MAP4K5: variants seen among roughly 807,000 people sequenced by gnomAD.
MAP4K5 encodes the protein mitogen-activated protein kinase kinase kinase kinase 5, also known as MAPK/ERK kinase kinase kinase 5.
In MAP4K5, 82 loss-of-function variants were observed where a neutral mutation model predicts 135.6. The observed-to-expected ratio is 0.60, with a 90% confidence interval of 0.51 to 0.73. The LOEUF is 0.73. MAP4K5 is among the 30% of genes least tolerant of loss of function. MAP4K5 has a pLI of 0.00. For missense variants in MAP4K5, 907 were observed against 1,010.9 expected (o/e 0.90, Z 1.39); for synonymous variants, 347 against 335.0 (o/e 1.04, Z -0.39).
chr14:50,446,229 A>G, intron 16 of MAP4K5, 108 bp from the exon 17 acceptor site: 1 of 646,408 alleles, frequency 1.5e-6, no homozygotes, highest in South Asian at 2.3e-5. Context: ...AGGATGTAAA[A>G]GACAGATCAC....
At chr14:50,474,107 A>G (rs746781989) in intron 9 of MAP4K5, among the ~76,000 whole-genome samples, 3 of 152,126 alleles carry the variant, frequency 2.0e-5, no homozygotes, top group Admixed American at 2.0e-4. Flanking sequence ...ACTGCACATT[A>G]AAGAATCCAA....
In MAP4K5 at chr14:50,482,408, G is replaced by T; in HGVS notation, c.331C>A (p.Pro111Thr). The T allele has an allele frequency of 6.6e-7, 1 of 1,525,390 alleles. No individual in the cohort carries two copies. The highest frequency in any genetic ancestry group is 8.8e-7 in the Non-Finnish European group (1 of 1,135,526). The allele number at this position is 1,525,390 out of a possible 1,614,324, so 94.5% of individuals were successfully genotyped here. A position where few individuals can be genotyped will look rare whatever the true frequency, so the allele number is the denominator to read the frequency against. The change falls in exon 6 of 33, where the codon CCA (proline) becomes ACA (threonine). Residue 111 changes from proline (P) to threonine (T), a missense_variant. Coordinates refer to ENST00000682126, the MANE Select transcript of MAP4K5 (RefSeq NM_006575.6). ...SLQDIYHVTG[P>T]LSELQIAYVC... is the part of the protein sequence containing the mutation. ...TAGGCTATTTGCAATTCTGATAATG[G>T]TCCAGTAACTAGAAAGAAAAAGAGA... is the stretch of plus-strand genomic sequence containing the variant.
At position 50,443,855 on chromosome 14, in the gene MAP4K5, A is replaced by G. The variant is rs536918686; in HGVS notation, c.1437+84T>C. 136 of 1,475,660 alleles carry G rather than the reference A, an allele frequency of 9.2e-5. 1 individual carries two copies. The African/African-American group carries it at 1.8e-3, about 19-fold the overall frequency. The allele number at this position is 1,475,660 out of a possible 1,614,324, so 91.4% of individuals were successfully genotyped here. On this transcript the variant is annotated intron_variant, in intron 19 of 32. Transcript: ENST00000682126. The stretch of plus-strand genomic sequence containing the variant: ...GACATTTAGAACTTCTGTTACTTGA[A>G]TTACTGAATTAAACAGACTATGCCC...
At chr14:50,544,416 TA>T (rs554814239) in intron 1 of MAP4K5, among the ~76,000 whole-genome samples, 2 of 152,246 alleles carry the variant, frequency 1.3e-5, no homozygotes, top group South Asian at 4.1e-4. Flanking sequence ...TTGATTGGTC[TA>T]GCCTCATTTT....
At chr14:50,443,290 C>T (rs1458904801) in intron 20 of MAP4K5, among the ~76,000 whole-genome samples, 1 of 152,096 alleles carries the variant, frequency 6.6e-6, no homozygotes, top group Non-Finnish European at 1.5e-5. Flanking sequence ...CGATTGGTTC[C>T]CATCCCATTC....
chr14:50,555,368 G>C (rs985229705), intron 1 of MAP4K5, among the ~76,000 whole-genome samples: 1 of 152,200 alleles, frequency 6.6e-6, no homozygotes, highest in Non-Finnish European at 1.5e-5. Flanking sequence ...TGCAACCTCT[G>C]CCTCCCGGGT....
At chr14:50,536,883 AG>A (rs2038499738), upstream of MAP4K5, among the ~76,000 whole-genome samples, 1 of 152,230 alleles carries the variant, frequency 6.6e-6, no homozygotes, top group African/African-American at 2.4e-5. Flanking sequence ...CAGTCTTATA[AG>A]GGAAGCACAG....
chr14:50,447,657 T>C (rs544237532), intron 15 of MAP4K5, among the ~76,000 whole-genome samples, 176 bp from the exon 16 acceptor site: 1 of 152,356 alleles, frequency 6.6e-6, no homozygotes, highest in Admixed American at 6.5e-5. Context: ...AATGACTCAT[T>C]ATCAGTCGAC....
intron 14 of MAP4K5, chr14:50,449,792 AACT>A (rs2036440215): frequency 6.6e-6 from 1 of 152,218 alleles, no homozygotes; most frequent in South Asian, 2.1e-4. Context: ...TGAATTCAAG[AACT>A]ACTACTATTC....
At chr14:50,472,576 A>G (rs1015881832) in intron 9 of MAP4K5, 2 of 152,210 alleles carry the variant, frequency 1.3e-5, no homozygotes, top group African/African-American at 2.4e-5. Context: ...GGGGGAAAAT[A>G]TGCATGTAAA....
intron 5 of MAP4K5, 105 bp downstream of exon 5, chr14:50,485,473 C>A (rs1595500214): frequency 2.8e-6 from 2 of 716,684 alleles, no homozygotes; most frequent in South Asian, 1.8e-5. Context: ...CAGAAGAATG[C>A]AAAATAGTAA....
intron 13 of MAP4K5, chr14:50,456,882 G>A: frequency 6.9e-6 from 2 of 291,156 alleles, no homozygotes; most frequent in Admixed American, 9.4e-5. Context: ...AAAATGGCAA[G>A]TGCCTTTCAT....
chr14:50,434,836 A>G lies in MAP4K5; in HGVS notation c.1986+126T>C, dbSNP rs570541352. On this transcript the variant is annotated intron_variant, in intron 27 of 32. Transcript: ENST00000682126. ...AAGAACACAAAAACCTCTAAATCAA[A>G]TAAACAACTACAAATAACTATAAAT... 2.0e-3 allele frequency: 1,319 copies of G among 656,264 alleles called. 3 individuals carry two copies. The highest frequency in any genetic ancestry group is 3.4e-3 in the Admixed American group (108 of 31,820). The allele number at this position is 656,264 out of a possible 1,614,324, so 40.7% of individuals were successfully genotyped here.
intron 1 of MAP4K5, among the ~76,000 whole-genome samples, chr14:50,558,643 A>T (rs916792370): frequency 4.9e-4 from 75 of 152,218 alleles, no homozygotes; most frequent in Admixed American, 4.6e-3. Context: ...AATTATATAA[A>T]TTTTTTCTTT....
At chr14:50,519,659 A>C (rs995394205) in intron 2 of MAP4K5, among the ~76,000 whole-genome samples, 1 of 152,114 alleles carries the variant, frequency 6.6e-6, no homozygotes, top group African/African-American at 2.4e-5. Flanking sequence ...ATCTCAAAAA[A>C]TAAATAAAAT....
intron 2 of MAP4K5, among the ~76,000 whole-genome samples, chr14:50,508,417 G>T (rs2037857817): frequency 6.6e-6 from 1 of 152,210 alleles, no homozygotes; most frequent in Non-Finnish European, 1.5e-5. Flanking sequence ...TCCTTTGTAG[G>T]GACATGGATG....
intron 2 of MAP4K5, among the ~76,000 whole-genome samples, chr14:50,542,075 A>G (rs974209826): frequency 5.8e-5 from 8 of 138,324 alleles, no homozygotes; most frequent in Non-Finnish European, 1.1e-4. Flanking sequence ...GCTGACAGCT[A>G]TTGTCTGTTT....
chr14:50,434,347 T>C lies in MAP4K5; in HGVS notation c.2164+47A>G, dbSNP rs571358126. On this transcript the variant is annotated intron_variant, in intron 28 of 32. Transcript: ENST00000682126. ...TTTATAGGTGGTGTTTTGCTTCTTT[T>C]ATAGGCAAAAATATCAATATTCTAA... is the stretch of plus-strand genomic sequence containing the variant. 1.5e-5 allele frequency: 23 copies of C among 1,484,884 alleles called. No homozygotes were observed. The African/African-American group carries it at 2.9e-4, about 19-fold the overall frequency. 92.0% of individuals were successfully genotyped at this position (1,484,884 alleles called of 1,614,324 possible). A position where few individuals can be genotyped will look rare whatever the true frequency, so the allele number is the denominator to read the frequency against.
chr14:50,473,906 A>C (rs916653505), intron 9 of MAP4K5, among the ~76,000 whole-genome samples: 44 of 151,540 alleles, frequency 2.9e-4, no homozygotes, highest in African/African-American at 9.9e-4. Flanking sequence ...TTGTATTTTT[A>C]GTAGAGACGG....
Sources: allele counts gnomAD v4.1 joint callset (sites outside exome capture counted in the v4.1 genomes callset), GRCh38; gene constraint gnomAD v4.1.1; transcripts MANE v1.5; gene names NCBI Gene and HGNC (gene_info 2026-07-23, HGNC 2026-07-21).